Variants in SLC12A4 observed in about 807,000 individuals in gnomAD.
SLC12A4 encodes the protein electroneutral potassium-chloride cotransporter 1.
SLC12A4 carries 84 observed loss-of-function variants against 119.2 expected under a neutral mutation model. That is an observed-to-expected ratio of 0.70 (90% CI 0.59 to 0.85). The LOEUF (loss-of-function observed/expected upper bound fraction) is 0.85. Among genes scored for constraint, SLC12A4 ranks in the 40% least tolerant of loss-of-function variants. SLC12A4 has a pLI of 0.00. For synonymous variants in SLC12A4, 599 were observed against 604.6 expected, an observed-to-expected ratio of 0.99 and a Z score of 0.14; for missense variants, 1,298 against 1,476.3, an observed-to-expected ratio of 0.88 and a Z score of 1.98.
rs2058309381 is a variant in SLC12A4, at chr16:67,943,776, G to A, written c.*1064C>T. On this transcript the variant is annotated 3_prime_UTR_variant, in exon 24 of 24. Transcript: ENST00000316341. This position sits in a 1 kb window ranked among gnomAD's most constrained non-coding sequence, Gnocchi z 4.6. ...TGAGAGTCACAGTGTGGTGGGAGAA[G>A]GGACGTCATTCCTCTAAGGGACAAG... 1 of 639,280 alleles carries A rather than the reference G, an allele frequency of 1.6e-6. No homozygotes were observed. Among genetic ancestry groups the A allele is most frequent in the East Asian group, 2.8e-5 (1 of 35,622 alleles). The allele number at this position is 639,280 out of a possible 1,614,324, so 39.6% of individuals were successfully genotyped here.
chr16:67,944,752 G>C lies in SLC12A4; in HGVS notation c.*88C>G. ...GGCCAGGCAAGCAGGGCTGGCAGGT[G>C]GGTGCTGGGAAGAGGCTGTTACCCC... On this transcript the variant is annotated 3_prime_UTR_variant, in exon 24 of 24. Transcript: ENST00000316341. This position sits in a 1 kb window ranked among gnomAD's most constrained non-coding sequence, Gnocchi z 6.6. 1 of 1,530,908 alleles carries C rather than the reference G, an allele frequency of 6.5e-7. No individual in the cohort carries two copies. The highest frequency in any genetic ancestry group is 8.8e-7 in the Non-Finnish European group (1 of 1,139,998). The allele number at this position is 1,530,908 out of a possible 1,614,324, so 94.8% of individuals were successfully genotyped here.
At position 67,951,048 on chromosome 16, in the gene SLC12A4, C is replaced by T. The variant is rs780965960; in HGVS notation, c.1310G>A (p.Gly437Asp). The change falls in exon 10 of 24, where the codon GGC (glycine) becomes GAC (aspartate). Residue 437 changes from glycine to aspartate, a missense_variant. Gly to Asp is a moderately conservative substitution (Grantham distance 94). Coordinates refer to ENST00000316341, the MANE Select transcript of SLC12A4 (RefSeq NM_005072.5). The surrounding 1 kb of genome is among the most constrained non-coding windows in gnomAD (Gnocchi z 5.2). Reference sequence around the variant, plus strand: ...ACGAAGGTCCCCAGAGCGGTTTGAGCCAGCCATGATGCCTCCAAAAACAGA... The same window carrying T: ...ACGAAGGTCCCCAGAGCGGTTTGAGTCAGCCATGATGCCTCCAAAAACAGA... The part of the protein sequence containing the change: ...FFPSVTGIMA[G>D]SNRSGDLRDA... 20 of 1,613,974 alleles carry T rather than the reference C, an allele frequency of 1.2e-5. No homozygotes were observed. Among genetic ancestry groups the T allele is most frequent in the Non-Finnish European group, 1.7e-5 (20 of 1,180,006 alleles).
Position 67,950,822 on chromosome 16 carries a change from T to C in SLC12A4, c.1397-111A>G, listed in dbSNP as rs2058406152. The C allele has an allele frequency of 1.4e-6, 2 of 1,456,962 alleles. No homozygotes were observed. The highest frequency in any genetic ancestry group is 2.8e-5 in the African/African-American group (2 of 71,150). 90.3% of individuals were successfully genotyped at this position (1,456,962 alleles called of 1,614,324 possible). On this transcript the variant is annotated intron_variant, in intron 10 of 23. Coordinates refer to ENST00000316341, the MANE Select transcript of SLC12A4 (RefSeq NM_005072.5). This position sits in a 1 kb window ranked among gnomAD's most constrained non-coding sequence, Gnocchi z 4.3. ...AGGACACCTACAGCTGGGAGTCTCG[T>C]GGTGTGTATGTGCATGTGTGCATGA...
intron 14 of SLC12A4, 76 bp from the exon 15 acceptor site, chr16:67,947,864 G>C: frequency 6.6e-7 from 1 of 1,526,328 alleles, no homozygotes; most frequent in Non-Finnish European, 8.8e-7. Flanking sequence ...TGCCCTGGTA[G>C]CCCTGTCAGG....
Position 67,950,374 on chromosome 16 carries a change from CCT to C in SLC12A4, c.1572_1573del (p.Ala526ThrfsTer27). 1.2e-6 allele frequency: 2 copies of C among 1,614,012 alleles called. No individual in the cohort carries two copies. Among genetic ancestry groups the C allele is most frequent in the Non-Finnish European group, 1.7e-6 (2 of 1,180,012 alleles). ...AATGGCCTGCAATAGGCGTGGTGCC[CCT>C]GTGAGGCTCTGGAGGCCAGCGCCAC... On this transcript the variant is annotated frameshift_variant, in exon 12 of 24. Coordinates refer to ENST00000316341, the MANE Select transcript of SLC12A4 (RefSeq NM_005072.5). LOFTEE classifies it high-confidence loss of function. The surrounding 1 kb of genome is among the most constrained non-coding windows in gnomAD (Gnocchi z 4.3).
intron 5 of SLC12A4, among the ~76,000 whole-genome samples, chr16:67,955,915 G>C (rs1318976612): frequency 6.6e-6 from 1 of 151,204 alleles, no homozygotes; most frequent in Non-Finnish European, 1.5e-5. Context: ...AGTGGCTCAC[G>C]CCTGTAATCC....
rs1345808206 is a variant in SLC12A4, at chr16:67,954,767, C to A, written c.551G>T (p.Gly184Val). The A allele has an allele frequency of 7.4e-6, 12 of 1,613,968 alleles. No individual in the cohort carries two copies. The highest frequency in any genetic ancestry group is 9.3e-6 in the Non-Finnish European group (11 of 1,179,986). ...IATNGVVPAG[G>V]SYFMISRSLG... Reference sequence around the variant, plus strand: ...TGAACGAGAGATCATGAAATAGGAGCCCCCAGCTACAGCAGAGAAATGAAA... The same window carrying A: ...TGAACGAGAGATCATGAAATAGGAGACCCCAGCTACAGCAGAGAAATGAAA... The change falls in exon 6 of 24, where the codon GGC becomes GTC. Residue 184 changes from glycine (G) to valine (V), a missense_variant. Coordinates refer to ENST00000316341, the MANE Select transcript of SLC12A4 (RefSeq NM_005072.5).
intron 3 of SLC12A4, among the ~76,000 whole-genome samples, chr16:67,958,437 A>T (rs1196491867): frequency 6.6e-6 from 1 of 152,028 alleles, no homozygotes; most frequent in Non-Finnish European, 1.5e-5. Context: ...CCCCAACTCT[A>T]GTCCCGGTAG....
chr16:67,948,013 G>A (rs1567415537), intron 14 of SLC12A4, 48 bp downstream of exon 14: 1 of 1,591,366 alleles, frequency 6.3e-7, no homozygotes. Flanking sequence ...CACCCAGAAT[G>A]AGGCTCCTGG....
rs2030346837 is a variant in SLC12A4, at chr16:67,957,738, T to G, written c.544+4A>C. The stretch of plus-strand genomic sequence containing the variant: ...CCACCAGGCCTTGGGTGGCGCTCAC[T>G]GACCTGGAACCACACCGTTGGTGGC... On this transcript the variant is annotated splice_donor_region_variant and intron_variant, in intron 5 of 23. Transcript: ENST00000316341. The G allele has an allele frequency of 2.5e-6, 4 of 1,613,110 alleles. No homozygotes were observed. Among genetic ancestry groups the G allele is most frequent in the Non-Finnish European group, 3.4e-6 (4 of 1,180,016 alleles).
intron 22 of SLC12A4, 40 bp downstream of exon 22, chr16:67,945,329 T>A (rs1490945794): frequency 8.2e-6 from 13 of 1,588,126 alleles, no homozygotes; most frequent in Middle Eastern, 3.4e-4. Flanking sequence ...CCTCCACCCC[T>A]AGATTCCAGT....
upstream of SLC12A4, chr16:67,968,681 G>C (rs781630101): frequency 1.6e-6 from 2 of 1,260,338 alleles, no homozygotes; most frequent in Non-Finnish European, 2.0e-6. Flanking sequence ...CACTTCCTCC[G>C]CCCGCCCCCC....
chr16:67,959,274 C>T (rs1161995647), intron 3 of SLC12A4, among the ~76,000 whole-genome samples: 2 of 152,318 alleles, frequency 1.3e-5, no homozygotes, highest in Admixed American at 6.5e-5. Context: ...AAGAGTGCAG[C>T]CTCCGAAGTG....
chr16:67,963,847 G>T, intron 1 of SLC12A4: 1 of 1,513,234 alleles, frequency 6.6e-7, no homozygotes, highest in Non-Finnish European at 8.9e-7. Context: ...GAGGGACGGG[G>T]CCTGCAGAGG....
intron 1 of SLC12A4, chr16:67,966,946 C>T: frequency 1.4e-6 from 2 of 1,384,526 alleles, no homozygotes; most frequent in Admixed American, 2.7e-5. Flanking sequence ...GTGGGGCCAG[C>T]AGCTAGGCTC....
Position 67,950,194 on chromosome 16 carries a change from G to A in SLC12A4, c.1629+125C>T. Reference sequence around the variant, plus strand: ...GGGCACTTCTCAGTAGCTCCTCATGGATGGCCGCCTGGCCCCGGGGGCCAA... The same window carrying A: ...GGGCACTTCTCAGTAGCTCCTCATGAATGGCCGCCTGGCCCCGGGGGCCAA... On this transcript the variant is annotated intron_variant, in intron 12 of 23. Coordinates refer to ENST00000316341, the MANE Select transcript of SLC12A4 (RefSeq NM_005072.5). The surrounding 1 kb of genome is among the most constrained non-coding windows in gnomAD (Gnocchi z 4.3). 2 of 1,195,466 alleles carry A rather than the reference G, an allele frequency of 1.7e-6. No homozygotes were observed. Among genetic ancestry groups the A allele is most frequent in the Non-Finnish European group, 2.3e-6 (2 of 861,830 alleles). 74.1% of individuals were successfully genotyped at this position (1,195,466 alleles called of 1,614,324 possible). A position where few individuals can be genotyped will look rare whatever the true frequency, so the allele number is the denominator to read the frequency against.
In SLC12A4 at chr16:67,948,108, T is replaced by C. The variant is rs1397947711; in HGVS notation, c.1800A>G (p.Thr600=). The C allele has an allele frequency of 1.9e-6, 3 of 1,612,950 alleles. No homozygotes were observed. Among genetic ancestry groups the C allele is most frequent in the Non-Finnish European group, 2.5e-6 (3 of 1,179,988 alleles). ...LFVNLACAVQ[T]LLRTPNWRPR... is the part of the protein sequence containing the mutation. ...GCCGCCAGTTGGGGGTCCTCAGGAG[T>C]GTCTGCACCGCACAGGCGAGGTTCA... Residue 600 remains threonine, a synonymous_variant, in exon 14 of 24, where the codon ACA becomes ACG. Coordinates refer to ENST00000316341, the MANE Select transcript of SLC12A4 (RefSeq NM_005072.5).
rs746801669 is a variant in SLC12A4 at position 67,944,918 on chromosome 16, G to A, written c.3180C>T (p.Leu1060=). Residue 1060 remains leucine, a synonymous_variant, in exon 24 of 24, where the codon CTC becomes CTT. Transcript: ENST00000316341. This position sits in a 1 kb window ranked among gnomAD's most constrained non-coding sequence, Gnocchi z 6.6. ...SEGDENYMEF[L]EVLTEGLERV... is the part of the protein sequence containing the mutation. Reference sequence around the variant, plus strand: ...GCTCAAGGCCCTCGGTCAGCACCTCGAGGAACTCCATGTCTGCAGGGCCTC... The same window carrying A: ...GCTCAAGGCCCTCGGTCAGCACCTCAAGGAACTCCATGTCTGCAGGGCCTC... 8 of 1,613,376 alleles carry A rather than the reference G, an allele frequency of 5.0e-6. No individual in the cohort carries two copies. In the East Asian group the frequency reaches 6.7e-5, roughly 13 times the overall value.
intron 1 of SLC12A4, chr16:67,963,825 C>G (rs1333156324): frequency 1.4e-6 from 2 of 1,441,952 alleles, no homozygotes; most frequent in Non-Finnish European, 1.9e-6. Flanking sequence ...AGCACAAGCA[C>G]GTATGGACAC....
Sources: allele counts gnomAD v4.1 joint callset (sites outside exome capture counted in the v4.1 genomes callset), GRCh38; gene constraint gnomAD v4.1.1; non-coding constraint Gnocchi (gnomAD v3.1); transcripts MANE v1.5; gene names NCBI Gene and HGNC (gene_info 2026-07-23, HGNC 2026-07-21).